The following SLC4A5 variants were observed in gnomAD, a reference collection of about 807,000 sequenced individuals.
SLC4A5 encodes the protein solute carrier family 4 member 5.
In SLC4A5, 96 loss-of-function variants were observed where a neutral mutation model predicts 120.4. The ratio of observed to expected loss-of-function variants is 0.80; its 90% CI spans 0.68 to 0.94. The LOEUF is 0.94. SLC4A5 is among the 40% of genes least tolerant of loss of function. The pLI is 0.00. For missense variants in SLC4A5, 1,259 were observed against 1,459.5 expected (o/e 0.86, Z 2.24); for synonymous variants, 550 against 571.1 (o/e 0.96, Z 0.53).
At chr2:74,281,275 C>T (rs1671804847) in intron 8 of SLC4A5, among the ~76,000 whole-genome samples, 1 of 152,228 alleles carries the variant, frequency 6.6e-6, no homozygotes. Context: ...TTTGCTTTCA[C>T]AGCTCTTGGG....
intron 5 of SLC4A5, among the ~76,000 whole-genome samples, chr2:74,318,165 CAAAG>C (rs1029759726): frequency 3.9e-4 from 60 of 151,974 alleles, no homozygotes; most frequent in African/African-American, 1.3e-3. Context: ...GCGCATGTGA[CAAAG>C]AGCTAATATC....
At chr2:74,248,115 A>T (rs1046650497) in intron 18 of SLC4A5, among the ~76,000 whole-genome samples, 4 of 152,122 alleles carry the variant, frequency 2.6e-5, no homozygotes, top group Non-Finnish European at 5.9e-5. Flanking sequence ...AGTGGTGTGA[A>T]TTTTCTCCTC....
chr2:74,267,248 T>A (rs1671334914), intron 8 of SLC4A5, among the ~76,000 whole-genome samples: 1 of 152,178 alleles, frequency 6.6e-6, no homozygotes, highest in Non-Finnish European at 1.5e-5. Flanking sequence ...GGGCAGCCTG[T>A]TTCAACATTC....
chr2:74,285,643 G>A, intron 8 of SLC4A5, 130 bp downstream of exon 8: 1 of 1,038,722 alleles, frequency 9.6e-7, no homozygotes, highest in South Asian at 1.5e-5. Context: ...ACCAAGGAAG[G>A]CAGCTGGGAG....
intron 3 of SLC4A5, among the ~76,000 whole-genome samples, chr2:74,334,992 G>A (rs1231922082): frequency 6.6e-6 from 1 of 152,094 alleles, no homozygotes; most frequent in African/African-American, 2.4e-5. Flanking sequence ...TGCTTCTCCA[G>A]GAACCAAGTC....
intron 6 of SLC4A5, among the ~76,000 whole-genome samples, chr2:74,310,393 G>C (rs1672768606): frequency 6.6e-6 from 1 of 152,162 alleles, no homozygotes; most frequent in Admixed American, 6.5e-5. Flanking sequence ...TAGCAGGAAA[G>C]TTTTCAGTTT....
At chr2:74,252,233 T>A (rs375383312) in exon 16 of SLC4A5, 1 of 1,611,388 alleles carries the variant, frequency 6.2e-7, no homozygotes. Flanking sequence ...CATCTCTCCA[T>A]CATCCCCGCT....
chr2:74,321,164 A>G (rs1297556376), intron 5 of SLC4A5, among the ~76,000 whole-genome samples: 1 of 152,200 alleles, frequency 6.6e-6, no homozygotes. Flanking sequence ...TGGGGAGTAT[A>G]AAACACCTGT....
chr2:74,219,195 GTGTGTGTGTGTGTGTGTGTGTGTGTT>G (rs975419982), intron 30 of SLC4A5, among the ~76,000 whole-genome samples: 18 of 120,946 alleles, frequency 1.5e-4, no homozygotes, highest in Admixed American at 1.6e-4. Context: ...GTGTGTGTGT[GTGTGTGTGTGTGTGTGTGTGTGTGTT>G]TGTGTGTGTT....
chr2:74,279,746 T>C (rs1350554450), intron 8 of SLC4A5, among the ~76,000 whole-genome samples: 1 of 152,230 alleles, frequency 6.6e-6, no homozygotes, highest in Non-Finnish European at 1.5e-5. Flanking sequence ...AAATATCCAA[T>C]GTAATAAAAC....
At chr2:74,226,958 A>G (rs1327344222) in exon 27 of SLC4A5, 1 of 1,612,998 alleles carries the variant, frequency 6.2e-7, no homozygotes, top group South Asian at 1.1e-5. Context: ...CCACTTTACC[A>G]TGACCGGGAA....
At chr2:74,263,664 C>T (rs1671210457) in intron 10 of SLC4A5, among the ~76,000 whole-genome samples, 2 of 152,202 alleles carry the variant, frequency 1.3e-5, no homozygotes, top group South Asian at 4.1e-4. Context: ...CCTTCTACCA[C>T]CCTGATGTGT....
chr2:74,255,677 G>A lies in SLC4A5; in HGVS notation c.1025+98C>T, dbSNP rs1431369951. On this transcript the variant is annotated intron_variant, in intron 13 of 30. Transcript: ENST00000394019. This position sits in a 1 kb window ranked among gnomAD's most constrained non-coding sequence, Gnocchi z 4.0. ...CCCAGCAGCCTCCACGTTTAGAGGT[G>A]CCTTTGAGAACACTAACAGTCAACA... 2.0e-5 allele frequency: 28 copies of A among 1,391,416 alleles called. No homozygotes were observed. The highest frequency in any genetic ancestry group is 2.7e-5 in the Non-Finnish European group (27 of 1,010,656). 86.2% of individuals were successfully genotyped at this position (1,391,416 alleles called of 1,614,324 possible).
At chr2:74,225,678 C>T (rs533828432) in intron 27 of SLC4A5, among the ~76,000 whole-genome samples, 18 of 152,332 alleles carry the variant, frequency 1.2e-4, no homozygotes, top group Admixed American at 4.6e-4. Flanking sequence ...AATTAATACA[C>T]AAATCACTGG....
intron 4 of SLC4A5, among the ~76,000 whole-genome samples, chr2:74,330,849 G>T (rs370851627): frequency 6.3e-5 from 8 of 126,902 alleles, no homozygotes; most frequent in Admixed American, 1.5e-4. Context: ...GTATGGTGTA[G>T]GTGTAGGTGG....
chr2:74,320,469 G>C (rs1673068083), intron 5 of SLC4A5, among the ~76,000 whole-genome samples: 1 of 152,144 alleles, frequency 6.6e-6, no homozygotes, highest in Non-Finnish European at 1.5e-5. Context: ...AATCACTACA[G>C]TGGAAGCTAC....
chr2:74,294,074 C>T (rs908479107), intron 7 of SLC4A5, among the ~76,000 whole-genome samples: 1 of 152,198 alleles, frequency 6.6e-6, no homozygotes, highest in Admixed American at 6.5e-5. Flanking sequence ...CAGAGCCTGG[C>T]ATGTGCATGG....
intron 4 of SLC4A5, among the ~76,000 whole-genome samples, chr2:74,328,976 T>C (rs1376648765): frequency 1.3e-5 from 2 of 152,178 alleles, no homozygotes; most frequent in Non-Finnish European, 2.9e-5. Context: ...AGAGACATTT[T>C]TTTTTTAACC....
At chr2:74,288,269 C>G (rs1255597973) in intron 7 of SLC4A5, among the ~76,000 whole-genome samples, 2 of 152,114 alleles carry the variant, frequency 1.3e-5, no homozygotes, top group East Asian at 3.9e-4. Flanking sequence ...TAAACATATG[C>G]TTTTTAGTTT....
Sources: allele counts gnomAD v4.1 joint callset (sites outside exome capture counted in the v4.1 genomes callset), GRCh38; gene constraint gnomAD v4.1.1; non-coding constraint Gnocchi (gnomAD v3.1); transcripts MANE v1.5; gene names NCBI Gene and HGNC (gene_info 2026-07-23, HGNC 2026-07-21).